The following HP1BP3 variants were observed in gnomAD, a reference collection of about 807,000 sequenced individuals.
HP1BP3 encodes heterochromatin protein 1 binding protein 3.
A neutral mutation model predicts 62.5 loss-of-function variants in HP1BP3; 12 were observed. The observed-to-expected ratio is 0.19, with a 90% CI of 0.12 to 0.31. The LOEUF is 0.31. Among genes scored for constraint, HP1BP3 ranks in the 10% least tolerant of loss-of-function variants. HP1BP3 has a pLI of 1.00. For missense variants in HP1BP3, 502 were observed against 651.8 expected, an observed-to-expected ratio of 0.77 and a Z score of 2.50; for synonymous variants, 260 against 237.8, an observed-to-expected ratio of 1.09 and a Z score of -0.86.
intron 10 of HP1BP3, among the ~76,000 whole-genome samples, chr1:20,748,885 T>G (rs965284388): frequency 2.6e-5 from 4 of 152,236 alleles, no homozygotes; most frequent in African/African-American, 7.2e-5. Flanking sequence ...TAATAGTTCA[T>G]TGAGAAGTCA....
At chr1:20,773,748 CA>C (rs1221656506) in intron 4 of HP1BP3, 138 bp from the exon 5 acceptor site, 1 of 490,192 alleles carries the variant, frequency 2.0e-6, no homozygotes, top group Non-Finnish European at 3.4e-6. Context: ...GTACCATAAG[CA>C]AAATTTTACA....
intron 11 of HP1BP3, 127 bp downstream of exon 11, chr1:20,747,417 C>T (rs184193702): frequency 3.1e-6 from 2 of 643,378 alleles, no homozygotes; most frequent in Admixed American, 3.3e-5. Flanking sequence ...TAACCAATCC[C>T]CTATATGTAA....
chr1:20,765,110 A>T (rs190297990), intron 8 of HP1BP3, among the ~76,000 whole-genome samples: 1 of 150,484 alleles, frequency 6.6e-6, no homozygotes, highest in Admixed American at 6.6e-5. Context: ...CAGAGGCTGC[A>T]GTGAGTTGAG....
intron 9 of HP1BP3, among the ~76,000 whole-genome samples, chr1:20,752,526 G>A (rs1301502582): frequency 6.6e-6 from 1 of 151,946 alleles, no homozygotes; most frequent in African/African-American, 2.4e-5. Flanking sequence ...TCCTGACCAG[G>A]TAAACCACCC....
intron 9 of HP1BP3, 133 bp downstream of exon 9, chr1:20,757,033 T>C (rs756712965): frequency 1.9e-6 from 1 of 530,410 alleles, no homozygotes. Context: ...TCTAACATAG[T>C]AAATGTTGAC....
At chr1:20,747,514 ACAGT>A in intron 11 of HP1BP3, 26 bp downstream of exon 11, 1 of 1,294,088 alleles carries the variant, frequency 7.7e-7, no homozygotes, top group Non-Finnish European at 1.1e-6. Flanking sequence ...CTATAAATTT[ACAGT>A]GATCTATTAT....
In HP1BP3 at chr1:20,780,658, A is replaced by T. The variant is rs867212551; in HGVS notation, c.-100-118T>A. Reference sequence around the variant, plus strand: ...TAACTATAAAATTTATAGGTAAGTGACAGATGATTTGGTTACTCAGAAAGA... The same window carrying T: ...TAACTATAAAATTTATAGGTAAGTGTCAGATGATTTGGTTACTCAGAAAGA... On this transcript the variant is annotated intron_variant, in intron 1 of 12. Coordinates refer to ENST00000438032, the MANE Select transcript of HP1BP3 (RefSeq NM_001372052.1). 198 of 557,836 alleles carry T rather than the reference A, an allele frequency of 3.5e-4. 1 individual carries two copies. Among genetic ancestry groups the T allele is most frequent in the Middle Eastern group, 4.6e-4 (1 of 2,190 alleles). 34.6% of individuals were successfully genotyped at this position (557,836 alleles called of 1,614,324 possible).
At chr1:20,760,532 C>A (rs930611382) in intron 8 of HP1BP3, among the ~76,000 whole-genome samples, 1 of 150,550 alleles carries the variant, frequency 6.6e-6, no homozygotes, top group Non-Finnish European at 1.5e-5. Flanking sequence ...CAGAGCAAGA[C>A]CCCAGCTTGG....
intron 3 of HP1BP3, among the ~76,000 whole-genome samples, chr1:20,776,968 G>A (rs142897410): frequency 5.3e-5 from 8 of 152,130 alleles, no homozygotes; most frequent in Non-Finnish European, 8.8e-5. Context: ...TAGAAAAATA[G>A]ACCAGGAAAT....
At chr1:20,761,707 A>C (rs2056492968) in intron 8 of HP1BP3, among the ~76,000 whole-genome samples, 1 of 152,250 alleles carries the variant, frequency 6.6e-6, no homozygotes, top group African/African-American at 2.4e-5. Context: ...GGAATCACCA[A>C]GTGAATGTGG....
At position 20,780,427 on chromosome 1, in the gene HP1BP3, G is replaced by A. The variant is rs527248206; in HGVS notation, c.14C>T (p.Thr5Met). The A allele has an allele frequency of 9.3e-6, 15 of 1,611,946 alleles. No individual in the cohort carries two copies. The highest frequency in any genetic ancestry group is 1.7e-5 in the Admixed American group (1 of 59,986). The change falls in exon 2 of 13, where the codon ACG (threonine) becomes ATG (methionine). Residue 5 changes from threonine to methionine, a missense_variant. By Grantham distance (81) the Thr-to-Met change is moderately conservative. Transcript: ENST00000438032. MATD[T>M]SQGELVHPKA... ...AGGATGGACGAGTTCACCTTGAGAC[G>A]TATCAGTCGCCATTTTAAATAATTT... is the stretch of plus-strand genomic sequence containing the variant.
At chr1:20,775,764 T>A (rs1029013200) in intron 4 of HP1BP3, 5 of 452,634 alleles carry the variant, frequency 1.1e-5, no homozygotes, top group Non-Finnish European at 1.6e-5. Context: ...TACAGTAACA[T>A]GCTGTACAGG....
intron 9 of HP1BP3, among the ~76,000 whole-genome samples, chr1:20,753,509 TTTG>T (rs2055909489): frequency 6.6e-6 from 1 of 152,226 alleles, no homozygotes; most frequent in Non-Finnish European, 1.5e-5. Flanking sequence ...GATTGTAATT[TTTG>T]TTGTCGTATA....
chr1:20,746,165 AATG>A (rs1196336259), intron 11 of HP1BP3, among the ~76,000 whole-genome samples: 18 of 147,056 alleles, frequency 1.2e-4, no homozygotes, highest in African/African-American at 3.7e-4. Context: ...CATATCCTTA[AATG>A]ATAACATACA....
chr1:20,784,899 A>G (rs1030872701), intron 1 of HP1BP3, among the ~76,000 whole-genome samples: 7 of 152,202 alleles, frequency 4.6e-5, no homozygotes, highest in Non-Finnish European at 7.3e-5. Flanking sequence ...ACAATAACAA[A>G]TATTTGCTTT....
At chr1:20,776,370 G>T in intron 4 of HP1BP3, 1 of 453,326 alleles carries the variant, frequency 2.2e-6, no homozygotes, top group Non-Finnish European at 3.8e-6. Context: ...CAAAGCCAAT[G>T]ACAAAGACTT....
At chr1:20,750,274 G>A (rs1385355537) in intron 9 of HP1BP3, 2 of 124,630 alleles carry the variant, frequency 1.6e-5, no homozygotes, top group Admixed American at 7.7e-5. Context: ...TTAAGGCCAG[G>A]AGTTCGAGAC....
Position 20,745,661 on chromosome 1 carries a change from A to C in HP1BP3, c.1254-5T>G. On this transcript the variant is annotated splice_region_variant and splice_polypyrimidine_tract_variant and intron_variant, in intron 11 of 12. Coordinates refer to ENST00000438032, the MANE Select transcript of HP1BP3 (RefSeq NM_001372052.1). ...TTCGGAAACAGAACTCCTGGGCTAT[A>C]CGGGGAAAAATTAGATTAAAACACA... 3 of 1,613,142 alleles carry C rather than the reference A, an allele frequency of 1.9e-6. No homozygotes were observed. Among genetic ancestry groups the C allele is most frequent in the Non-Finnish European group, 2.5e-6 (3 of 1,179,634 alleles).
At position 20,780,682 on chromosome 1, in the gene HP1BP3, G is replaced by A. The variant is rs41312004; in HGVS notation, c.-100-142C>T. ...GACAGATGATTTGGTTACTCAGAAAGATAAAACTACCAAAATATAGACTAC... is the reference window on the plus strand; with the variant it reads ...GACAGATGATTTGGTTACTCAGAAAAATAAAACTACCAAAATATAGACTAC... On this transcript the variant is annotated intron_variant, in intron 1 of 12. Coordinates refer to ENST00000438032, the MANE Select transcript of HP1BP3 (RefSeq NM_001372052.1). The A allele has an allele frequency of 7.6e-3, 4,206 of 554,116 alleles. 22 individuals carry two copies. The highest frequency in any genetic ancestry group is 0.011 in the Non-Finnish European group (3,466 of 312,442). 34.3% of individuals were successfully genotyped at this position (554,116 alleles called of 1,614,324 possible).
Sources: gnomAD v4.1 joint callset for allele counts (sites outside exome capture counted in the v4.1 genomes callset) on GRCh38, gnomAD v4.1.1 for gene constraint, MANE v1.5 for transcripts, NCBI Gene and HGNC (gene_info 2026-07-23, HGNC 2026-07-21) for gene names.